The following CCDC182 variants were observed in gnomAD, a reference collection of about 807,000 sequenced individuals.
CCDC182 encodes coiled-coil domain containing 182.
A neutral mutation model predicts 4.6 loss-of-function variants in CCDC182; 1 was observed. The ratio of observed to expected loss-of-function variants is 0.22; its 90% CI spans 0.08 to 1.02. CCDC182 has a LOEUF of 1.02. Among genes scored for constraint, CCDC182 ranks in the 50% least tolerant of loss-of-function variants. CCDC182 has a pLI of 0.58. For synonymous variants in CCDC182, 82 were observed against 83.9 expected (o/e 0.98, Z 0.12); for missense variants, 209 against 196.8 (o/e 1.06, Z -0.37).
Position 57,744,837 on chromosome 17 carries a change from C to T in CCDC182, c.436G>A (p.Ala146Thr). 1 of 1,542,738 alleles carries T rather than the reference C, an allele frequency of 6.5e-7. No individual in the cohort carries two copies. The highest frequency in any genetic ancestry group is 8.8e-7 in the Non-Finnish European group (1 of 1,141,288). ...CAGTCAGCCTGGCTCTTCTTGGTGG[C>T]ACGCAGGGCGTCACGTCCCCTGTCC... ...LLDRGRDALR[A>T]TKKSQAD The change falls in exon 1 of 1, where the codon GCC (alanine) becomes ACC (threonine). Residue 146 changes from alanine to threonine, a missense_variant. Transcript: ENST00000299415.
Position 57,745,064 on chromosome 17 carries a change from A to C in CCDC182, c.209T>G (p.Leu70Trp). The C allele has an allele frequency of 1.9e-6, 3 of 1,550,956 alleles. No individual in the cohort carries two copies. The South Asian group carries it at 3.6e-5, about 18-fold the overall frequency. Residue 70 changes from leucine to tryptophan, a missense_variant, in exon 1 of 1, where the codon TTG (leucine) becomes TGG (tryptophan). Physicochemically the swap from Leu to Trp is moderately conservative, Grantham distance 61 (BLOSUM62 -2). Coordinates refer to ENST00000299415, the MANE Select transcript of CCDC182 (RefSeq NM_001282544.2). ...GTCTTCAAGGTAATGAATGGACTTC[A>C]ATGCCTCTTTCTTAAAGTCCTCCAG... is the stretch of plus-strand genomic sequence containing the variant. The part of the protein sequence containing the change: ...RELEDFKKEA[L>W]KSIHYLEDAF...
At position 57,745,062 on chromosome 17, in the gene CCDC182, T is replaced by G. The variant is rs1262157472; in HGVS notation, c.211A>C (p.Lys71Gln). The change falls in exon 1 of 1, where the codon AAG becomes CAG. Residue 71 changes from lysine (K) to glutamine (Q), a missense_variant. Physicochemically the swap from Lys to Gln is moderately conservative, Grantham distance 53 (BLOSUM62 1). Transcript: ENST00000299415. ...GCGTCTTCAAGGTAATGAATGGACT[T>G]CAATGCCTCTTTCTTAAAGTCCTCC... is the stretch of plus-strand genomic sequence containing the variant. Reference protein sequence around the residue: ...ELEDFKKEALKSIHYLEDAFC... With the variant: ...ELEDFKKEALQSIHYLEDAFC... The G allele has an allele frequency of 1.5e-5, 23 of 1,550,868 alleles. No homozygotes were observed. The highest frequency in any genetic ancestry group is 1.7e-5 in the Non-Finnish European group (20 of 1,147,072).
Position 57,745,162 on chromosome 17 carries a change from T to A in CCDC182, c.111A>T (p.Ser37=). 2 of 1,550,650 alleles carry A rather than the reference T, an allele frequency of 1.3e-6. No homozygotes were observed. The highest frequency in any genetic ancestry group is 1.7e-6 in the Non-Finnish European group (2 of 1,146,974). ...LQSGDFSLSQ[S]WPSCLPPPAD... The stretch of plus-strand genomic sequence containing the variant: ...CGGGTGGTGGGAGGCAGGAGGGCCA[T>A]GACTGGGACAGGGAAAAGTCTCCAG... Residue 37 remains serine (S), a synonymous_variant, in exon 1 of 1, where the codon TCA becomes TCT. Coordinates refer to ENST00000299415, the MANE Select transcript of CCDC182 (RefSeq NM_001282544.2).
Position 57,745,085 on chromosome 17 carries a change from T to A in CCDC182, c.188A>T (p.Glu63Val). The A allele has an allele frequency of 6.4e-7, 1 of 1,550,918 alleles. No homozygotes were observed. The highest frequency in any genetic ancestry group is 8.7e-7 in the Non-Finnish European group (1 of 1,147,046). The change falls in exon 1 of 1, where the codon GAG becomes GTG. Residue 63 changes from glutamate to valine, a missense_variant. Physicochemically the swap from Glu to Val is moderately radical, Grantham distance 121. Transcript: ENST00000299415. ...QKVAGVQREL[E>V]DFKKEALKSI... Reference sequence around the variant, plus strand: ...CTTCAATGCCTCTTTCTTAAAGTCCTCCAGTTCCCGTTGCACCCCGGCCAC... The same window carrying A: ...CTTCAATGCCTCTTTCTTAAAGTCCACCAGTTCCCGTTGCACCCCGGCCAC...
At position 57,745,286 on chromosome 17, in the gene CCDC182, T is replaced by C. The variant is rs1446268850; in HGVS notation, c.-14A>G. The C allele has an allele frequency of 2.0e-6, 3 of 1,513,754 alleles. No individual in the cohort carries two copies. The highest frequency in any genetic ancestry group is 2.7e-6 in the Non-Finnish European group (3 of 1,122,816). The allele number at this position is 1,513,754 out of a possible 1,614,324, so 93.8% of individuals were successfully genotyped here. A position where few individuals can be genotyped will look rare whatever the true frequency, so the allele number is the denominator to read the frequency against. On this transcript the variant is annotated 5_prime_UTR_variant, in exon 1 of 1. Transcript: ENST00000299415. ...GAGGGGTTCCATTGTCTCTTCTACG[T>C]TGGACAAAGAGAGGAAGCCAAGAGA...
chr17:57,744,569 T>A lies in CCDC182; in HGVS notation c.*242A>T. ...GTACCATTACAAACAGGAAAACAGT[T>A]CAAGTGAAAGTTACAGGGGCCTGAC... is the stretch of plus-strand genomic sequence containing the variant. On this transcript the variant is annotated 3_prime_UTR_variant, in exon 1 of 1. Coordinates refer to ENST00000299415, the MANE Select transcript of CCDC182 (RefSeq NM_001282544.2). 1 of 489,898 alleles carries A rather than the reference T, an allele frequency of 2.0e-6. No individual in the cohort carries two copies. The highest frequency in any genetic ancestry group is 3.6e-6 in the Non-Finnish European group (1 of 275,028). The allele number at this position is 489,898 out of a possible 1,614,324, so 30.3% of individuals were successfully genotyped here.
Position 57,744,883 on chromosome 17 carries a change from C to T in CCDC182, c.390G>A (p.Lys130=), listed in dbSNP as rs766015338. ...PREKQLREHC[K]RLEDLLLDRG... ...TGTCCAGCAGCAGGTCCTCCAGCCG[C>T]TTGCAGTGCTCCCGGAGCTGTTTCT... The change falls in exon 1 of 1, where the codon AAG becomes AAA. Residue 130 remains lysine (K), a synonymous_variant. Transcript: ENST00000299415. The T allele has an allele frequency of 1.5e-5, 23 of 1,550,434 alleles. No individual in the cohort carries two copies. In the Admixed American group the frequency reaches 2.9e-4, roughly 20 times the overall value.
Position 57,745,046 on chromosome 17 carries a change from A to G in CCDC182, c.227T>C (p.Leu76Pro), listed in dbSNP as rs2073271699. 6 of 1,551,036 alleles carry G rather than the reference A, an allele frequency of 3.9e-6. No individual in the cohort carries two copies. The Admixed American group carries it at 7.8e-5, about 20-fold the overall frequency. The change falls in exon 1 of 1, where the codon CTT becomes CCT. Residue 76 changes from leucine (L) to proline (P), a missense_variant. Leu to Pro is a moderately conservative substitution (Grantham distance 98). Transcript: ENST00000299415. Reference sequence around the variant, plus strand: ...ATTCATCTCGCAGAAGGCGTCTTCAAGGTAATGAATGGACTTCAATGCCTC... The same window carrying G: ...ATTCATCTCGCAGAAGGCGTCTTCAGGGTAATGAATGGACTTCAATGCCTC... ...KKEALKSIHY[L>P]EDAFCEMNGA...
chr17:57,745,135 A>T lies in CCDC182; in HGVS notation c.138T>A (p.Ala46=). 1 of 1,550,694 alleles carries T rather than the reference A, an allele frequency of 6.4e-7. No homozygotes were observed. The highest frequency in any genetic ancestry group is 8.7e-7 in the Non-Finnish European group (1 of 1,146,984). The change falls in exon 1 of 1, where the codon GCT becomes GCA. Residue 46 remains alanine, a synonymous_variant. Coordinates refer to ENST00000299415, the MANE Select transcript of CCDC182 (RefSeq NM_001282544.2). ...QSWPSCLPPP[A]DLEILQQKVA... ...CCTTCTGCTGCAGGATCTCCAAGTC[A>T]GCGGGTGGTGGGAGGCAGGAGGGCC...
In CCDC182 at chr17:57,745,218, CCTGTAGG is replaced by C. The variant is rs1339318996; in HGVS notation, c.48_54del (p.Leu17GlyfsTer4). On this transcript the variant is annotated frameshift_variant, in exon 1 of 1. Transcript: ENST00000299415. LOFTEE classifies it high-confidence loss of function. ...AGGCCACTCTCTATCATTTTTTTCC[CCTGTAGG>C]GTATTCACCGTCATGAGAATGGACC... is the stretch of plus-strand genomic sequence containing the variant. 1 of 1,550,394 alleles carries C rather than the reference CCTGTAGG, an allele frequency of 6.4e-7. No homozygotes were observed. Among genetic ancestry groups the C allele is most frequent in the East Asian group, 2.4e-5 (1 of 40,908 alleles).
chr17:57,744,822 G>C lies in CCDC182; in HGVS notation c.451C>G (p.Gln151Glu). The change falls in exon 1 of 1, where the codon CAG becomes GAG. Residue 151 changes from glutamine to glutamate, a missense_variant. Coordinates refer to ENST00000299415, the MANE Select transcript of CCDC182 (RefSeq NM_001282544.2). ...RDALRATKKS[Q>E]AD Reference sequence around the variant, plus strand: ...GCCACCCACGAGGTTCAGTCAGCCTGGCTCTTCTTGGTGGCACGCAGGGCG... The same window carrying C: ...GCCACCCACGAGGTTCAGTCAGCCTCGCTCTTCTTGGTGGCACGCAGGGCG... 1 of 1,536,934 alleles carries C rather than the reference G, an allele frequency of 6.5e-7. No individual in the cohort carries two copies. The highest frequency in any genetic ancestry group is 1.2e-5 in the South Asian group (1 of 83,448).
Position 57,744,511 on chromosome 17 carries a change from C to A in CCDC182, c.*300G>T. 3.6e-6 allele frequency: 1 copy of A among 276,926 alleles called. No homozygotes were observed. Among genetic ancestry groups the A allele is most frequent in the Non-Finnish European group, 6.8e-6 (1 of 146,040 alleles). The allele number at this position is 276,926 out of a possible 1,614,324, so 17.2% of individuals were successfully genotyped here. On this transcript the variant is annotated 3_prime_UTR_variant, in exon 1 of 1. Coordinates refer to ENST00000299415, the MANE Select transcript of CCDC182 (RefSeq NM_001282544.2). Reference sequence around the variant, plus strand: ...TCAACACAATCAGTTTAAGAATATACTATACAAATAAAGAGGTATACATTG... The same window carrying A: ...TCAACACAATCAGTTTAAGAATATAATATACAAATAAAGAGGTATACATTG...
At position 57,744,907 on chromosome 17, in the gene CCDC182, C is replaced by G. The variant is rs1442706693; in HGVS notation, c.366G>C (p.Glu122Asp). ...GCTTGCAGTGCTCCCGGAGCTGTTT[C>G]TCGCGCGGCAACAGGAAGGTGAGAA... The part of the protein sequence containing the change: ...NKVLTFLLPR[E>D]KQLREHCKRL... Residue 122 changes from glutamate to aspartate, a missense_variant, in exon 1 of 1, where the codon GAG (glutamate) becomes GAC (aspartate). Glu to Asp is a conservative substitution (Grantham distance 45). Transcript: ENST00000299415. 1 of 1,550,518 alleles carries G rather than the reference C, an allele frequency of 6.4e-7. No homozygotes were observed. The highest frequency in any genetic ancestry group is 1.4e-5 in the African/African-American group (1 of 73,064).
rs755986179 is a variant in CCDC182, at chr17:57,744,954, G to C, written c.319C>G (p.Arg107Gly). ...AGAACCTTGTTGCGCACGATGCCAC[G>C]GTCCTCCTCCTCCCTTAGCCGCTGC... ...VRQRLREEED[R>G]GIVRNKVLTF... is the part of the protein sequence containing the mutation. The change falls in exon 1 of 1, where the codon CGT (arginine) becomes GGT (glycine). Residue 107 changes from arginine (R) to glycine (G), a missense_variant. Coordinates refer to ENST00000299415, the MANE Select transcript of CCDC182 (RefSeq NM_001282544.2). 5 of 1,550,560 alleles carry C rather than the reference G, an allele frequency of 3.2e-6. No homozygotes were observed. The South Asian group carries it at 5.9e-5, about 18-fold the overall frequency.
Position 57,744,946 on chromosome 17 carries a change from G to A in CCDC182, c.327C>T (p.Ile109=), listed in dbSNP as rs868363061. ...GGAAGGTGAGAACCTTGTTGCGCAC[G>A]ATGCCACGGTCCTCCTCCTCCCTTA... ...QRLREEEDRG[I]VRNKVLTFLL... Residue 109 remains isoleucine (I), a synonymous_variant, in exon 1 of 1, where the codon ATC becomes ATT. Coordinates refer to ENST00000299415, the MANE Select transcript of CCDC182 (RefSeq NM_001282544.2). 1 of 1,550,692 alleles carries A rather than the reference G, an allele frequency of 6.4e-7. No individual in the cohort carries two copies. Among genetic ancestry groups the A allele is most frequent in the Non-Finnish European group, 8.7e-7 (1 of 1,147,016 alleles).
rs2073268137 is a variant in CCDC182 at position 57,744,689 on chromosome 17, A to G, written c.*122T>C. 3 of 667,664 alleles carry G rather than the reference A, an allele frequency of 4.5e-6. No individual in the cohort carries two copies. In the South Asian group the frequency reaches 6.0e-5, roughly 13 times the overall value. 41.4% of individuals were successfully genotyped at this position (667,664 alleles called of 1,614,324 possible). A position where few individuals can be genotyped will look rare whatever the true frequency, so the allele number is the denominator to read the frequency against. ...TCTTTTTGCCTCTCAGCAAGGTGTT[A>G]TTTAGGCAGAAGGAAAGCAATGGAA... On this transcript the variant is annotated 3_prime_UTR_variant, in exon 1 of 1. Coordinates refer to ENST00000299415, the MANE Select transcript of CCDC182 (RefSeq NM_001282544.2).
In CCDC182 at chr17:57,745,205, A is replaced by G; in HGVS notation, c.68T>C (p.Ile23Thr). The change falls in exon 1 of 1, where the codon ATA becomes ACA. Residue 23 changes from isoleucine (I) to threonine (T), a missense_variant. Physicochemically the swap from Ile to Thr is moderately conservative, Grantham distance 89. Transcript: ENST00000299415. ...TVNTLQGKKM[I>T]ESGLQSGDFS... ...GTCTCCAGACTGGAGGCCACTCTCT[A>G]TCATTTTTTTCCCCTGTAGGGTATT... is the stretch of plus-strand genomic sequence containing the variant. 6 of 1,550,520 alleles carry G rather than the reference A, an allele frequency of 3.9e-6. No individual in the cohort carries two copies. Among genetic ancestry groups the G allele is most frequent in the Non-Finnish European group, 5.2e-6 (6 of 1,146,908 alleles).
Position 57,744,538 on chromosome 17 carries a change from G to A in CCDC182, c.*273C>T, listed in dbSNP as rs1198736019. On this transcript the variant is annotated 3_prime_UTR_variant, in exon 1 of 1. Coordinates refer to ENST00000299415, the MANE Select transcript of CCDC182 (RefSeq NM_001282544.2). ...ATACAAATAAAGAGGTATACATTGA[G>A]CAATAGTACCATTACAAACAGGAAA... The A allele has an allele frequency of 1.5e-5, 6 of 413,464 alleles. No individual in the cohort carries two copies. The East Asian group carries it at 2.3e-4, about 16-fold the overall frequency. The allele number at this position is 413,464 out of a possible 1,614,324, so 25.6% of individuals were successfully genotyped here. A position where few individuals can be genotyped will look rare whatever the true frequency, so the allele number is the denominator to read the frequency against.
In CCDC182 at chr17:57,744,970, T is replaced by G. The variant is rs1358527299; in HGVS notation, c.303A>C (p.Leu101=). 2 of 1,550,740 alleles carry G rather than the reference T, an allele frequency of 1.3e-6. No individual in the cohort carries two copies. The highest frequency in any genetic ancestry group is 1.7e-6 in the Non-Finnish European group (2 of 1,147,010). ...CGATGCCACGGTCCTCCTCCTCCCT[T>G]AGCCGCTGCCTCACGCGAGCCGCCT... is the stretch of plus-strand genomic sequence containing the variant. ...EEQAARVRQR[L]REEEDRGIVR... The change falls in exon 1 of 1, where the codon CTA becomes CTC. Residue 101 remains leucine (L), a synonymous_variant. Transcript: ENST00000299415.
Sources: gnomAD v4.1 joint callset for allele counts on GRCh38, gnomAD v4.1.1 for gene constraint, MANE v1.5 for transcripts, NCBI Gene and HGNC (gene_info 2026-07-23, HGNC 2026-07-21) for gene names.